The following IL1RAP variants were observed in gnomAD, a reference collection of about 807,000 sequenced individuals.
The protein encoded by IL1RAP is interleukin-1 receptor accessory protein.
A neutral mutation model predicts 60.7 loss-of-function variants in IL1RAP; 35 were observed. The ratio of observed to expected loss-of-function variants is 0.58; its 90% confidence interval spans 0.44 to 0.76. The LOEUF (loss-of-function observed/expected upper bound fraction) is 0.76, where lower values mean the gene tolerates loss of function less well. Among genes scored for constraint, IL1RAP ranks in the 30% least tolerant of loss-of-function variants. IL1RAP has a pLI of 0.00. For missense variants in IL1RAP, 572 were observed against 693.9 expected (o/e 0.82, Z 1.97); for synonymous variants, 268 against 250.9 (o/e 1.07, Z -0.64).
At chr3:190,623,639 C>T (rs1360179226) in intron 7 of IL1RAP, among the ~76,000 whole-genome samples, 1 of 152,174 alleles carries the variant, frequency 6.6e-6, no homozygotes, top group Non-Finnish European at 1.5e-5. Context: ...TCCCTTCTCC[C>T]TCTGCTAGCC....
intron 1 of IL1RAP, 27 bp downstream of exon 1, chr3:190,514,246 C>T (rs1333325161): frequency 6.6e-6 from 1 of 152,224 alleles, no homozygotes; most frequent in African/African-American, 2.4e-5. Flanking sequence ...CGTGAGGGCT[C>T]AGAAGTCACC....
At chr3:190,536,301 AG>A (rs1723456899) in intron 1 of IL1RAP, among the ~76,000 whole-genome samples, 2 of 151,946 alleles carry the variant, frequency 1.3e-5, no homozygotes, top group African/African-American at 4.8e-5. Context: ...TTTTTTTTTA[AG>A]TTGATGCATC....
chr3:190,642,876 C>G (rs1057301838), intron 9 of IL1RAP, among the ~76,000 whole-genome samples: 3 of 152,192 alleles, frequency 2.0e-5, no homozygotes, highest in Admixed American at 2.0e-4. Context: ...TTAAGCCACT[C>G]CTGCTTCAGA....
intron 3 of IL1RAP, among the ~76,000 whole-genome samples, chr3:190,572,628 TA>T (rs1384057549): frequency 6.6e-6 from 1 of 152,216 alleles, no homozygotes; most frequent in Admixed American, 6.5e-5. Flanking sequence ...ATACCACATT[TA>T]AATACTCCCC....
intron 9 of IL1RAP, among the ~76,000 whole-genome samples, chr3:190,638,264 T>G (rs1015936882): frequency 2.0e-5 from 3 of 152,136 alleles, no homozygotes; most frequent in African/African-American, 7.2e-5. Flanking sequence ...ATTTACATCT[T>G]AAGGATTTGG....
intron 3 of IL1RAP, among the ~76,000 whole-genome samples, chr3:190,577,194 A>G (rs1357453883): frequency 1.3e-5 from 2 of 152,042 alleles, no homozygotes; most frequent in East Asian, 1.9e-4. Flanking sequence ...CTATATATAT[A>G]TGTGTATATC....
chr3:190,540,178 T>G (rs1018320234), intron 1 of IL1RAP, among the ~76,000 whole-genome samples: 3 of 152,074 alleles, frequency 2.0e-5, no homozygotes, highest in Admixed American at 6.6e-5. Context: ...TGGTAGAACA[T>G]TGAGGGACAG....
intron 3 of IL1RAP, among the ~76,000 whole-genome samples, chr3:190,601,235 C>T (rs545211302): frequency 5.9e-5 from 9 of 152,294 alleles, no homozygotes; most frequent in African/African-American, 2.2e-4. Flanking sequence ...TCCGCCCCCT[C>T]GGCCTCCTAA....
chr3:190,546,444 C>T (rs1297284157), intron 1 of IL1RAP, among the ~76,000 whole-genome samples: 1 of 152,182 alleles, frequency 6.6e-6, no homozygotes, highest in Non-Finnish European at 1.5e-5. Flanking sequence ...CAAGTAATTC[C>T]TTCCCCACAG....
In IL1RAP at chr3:190,650,026, A is replaced by G. The variant is rs1734301053; in HGVS notation, c.*1321A>G. The G allele has an allele frequency of 1.7e-6, 1 of 580,510 alleles. No homozygotes were observed. The highest frequency in any genetic ancestry group is 2.2e-6 in the Non-Finnish European group (1 of 460,936). The allele number at this position is 580,510 out of a possible 1,614,324, so 36.0% of individuals were successfully genotyped here. ...ATACATATCCACACACATACATTAC[A>G]TATATCTGTGTATATAAATCCACAT... On this transcript the variant is annotated 3_prime_UTR_variant, in exon 12 of 12. Coordinates refer to ENST00000447382, the MANE Select transcript of IL1RAP (RefSeq NM_002182.4).
intron 1 of IL1RAP, among the ~76,000 whole-genome samples, chr3:190,553,655 C>T (rs1397472538): frequency 1.3e-5 from 2 of 152,146 alleles, no homozygotes; most frequent in African/African-American, 4.8e-5. Context: ...AAGGAAAAGG[C>T]CAAGGAAAGG....
At chr3:190,579,964 A>G (rs545329712) in intron 3 of IL1RAP, among the ~76,000 whole-genome samples, 1 of 152,326 alleles carries the variant, frequency 6.6e-6, no homozygotes, top group East Asian at 1.9e-4. Flanking sequence ...TAATTGAGAA[A>G]TATTCTTCAT....
intron 8 of IL1RAP, among the ~76,000 whole-genome samples, chr3:190,627,817 A>C (rs535379476): frequency 1.3e-5 from 2 of 152,292 alleles, no homozygotes; most frequent in South Asian, 4.1e-4. Flanking sequence ...GGTCACAATC[A>C]AGGGTTGTGG....
Position 190,645,842 on chromosome 3 carries a change from A to T in IL1RAP, c.1345A>T (p.Ile449Phe). The T allele has an allele frequency of 6.2e-7, 1 of 1,612,348 alleles. No homozygotes were observed. The highest frequency in any genetic ancestry group is 8.5e-7 in the Non-Finnish European group (1 of 1,179,100). Reference protein sequence around the residue: ...IFDRDSLPGGIVTDETLSFIQ... With the variant: ...IFDRDSLPGGFVTDETLSFIQ... ...TGACCGAGACAGTCTGCCTGGGGGA[A>T]GTAGGTATTTCAGAGGAGTACAAAT... The change falls in exon 11 of 12, where the codon ATT becomes TTT. Residue 449 changes from isoleucine to phenylalanine, a missense_variant and splice_region_variant. Physicochemically the swap from Ile to Phe is conservative, Grantham distance 21 (BLOSUM62 0). Coordinates refer to ENST00000447382, the MANE Select transcript of IL1RAP (RefSeq NM_002182.4).
At position 190,649,810 on chromosome 3, in the gene IL1RAP, T is replaced by C. The variant is rs1734283960; in HGVS notation, c.*1105T>C. On this transcript the variant is annotated 3_prime_UTR_variant, in exon 12 of 12. Transcript: ENST00000447382. ...AATATACTTGCTCCAAATAAGTCAG[T>C]ATGAGAAGTCACTGTCAATGAAAGT... 7.1e-6 allele frequency: 7 copies of C among 985,178 alleles called. 1 individual carries two copies. The South Asian group carries it at 3.3e-4, about 46-fold the overall frequency. 61.0% of individuals were successfully genotyped at this position (985,178 alleles called of 1,614,324 possible). A position where few individuals can be genotyped will look rare whatever the true frequency, so the allele number is the denominator to read the frequency against.
At chr3:190,530,406 A>G (rs999691838) in intron 1 of IL1RAP, among the ~76,000 whole-genome samples, 1 of 152,196 alleles carries the variant, frequency 6.6e-6, no homozygotes, top group African/African-American at 2.4e-5. Flanking sequence ...ATAATAATCA[A>G]GGTGGAAAAT....
chr3:190,595,761 G>A (rs1451286103), intron 3 of IL1RAP, among the ~76,000 whole-genome samples: 1 of 152,072 alleles, frequency 6.6e-6, no homozygotes, highest in Non-Finnish European at 1.5e-5. Flanking sequence ...CCTCCGCCCT[G>A]TTTACAGTAA....
intron 5 of IL1RAP, among the ~76,000 whole-genome samples, chr3:190,610,372 T>C (rs1730717940): frequency 6.6e-6 from 1 of 151,956 alleles, no homozygotes; most frequent in Admixed American, 6.6e-5. Flanking sequence ...AAAAATTATA[T>C]ATATTATATA....
chr3:190,570,719 C>T (rs894306284), intron 3 of IL1RAP, among the ~76,000 whole-genome samples: 3 of 152,112 alleles, frequency 2.0e-5, no homozygotes, highest in African/African-American at 7.2e-5. Context: ...GCATTTGCCA[C>T]CATGCCCAAC....
Sources: allele counts gnomAD v4.1 joint callset (sites outside exome capture counted in the v4.1 genomes callset), GRCh38; gene constraint gnomAD v4.1.1; transcripts MANE v1.5; gene names NCBI Gene and HGNC (gene_info 2026-07-23, HGNC 2026-07-21).